Variants in DBT observed in about 807,000 individuals in gnomAD.
DBT encodes dihydrolipoamide branched chain transacylase E2.
In DBT, 40 loss-of-function variants were observed where a neutral mutation model predicts 51.3. The observed-to-expected ratio is 0.78, with a 90% CI of 0.61 to 1.02. The LOEUF is 1.02. Ranked by LOEUF, DBT falls within the 50% of genes least tolerant of loss-of-function variation. The probability of loss-of-function intolerance (pLI) is 0.00; values close to 1 mark genes in which losing one functional copy is unlikely to be tolerated. For synonymous variants in DBT, 181 were observed against 190.4 expected (o/e 0.95, Z 0.41); for missense variants, 510 against 580.2 (o/e 0.88, Z 1.24).
At chr1:100,242,250 C>A (rs574262023) in intron 1 of DBT, among the ~76,000 whole-genome samples, 2 of 151,374 alleles carry the variant, frequency 1.3e-5, no homozygotes, top group South Asian at 2.1e-4. Flanking sequence ...TAGCTCTTAA[C>A]TTTTAAAGGC....
In DBT at chr1:100,210,849, A is replaced by G. The variant is rs1487498881; in HGVS notation, c.940-78T>C. ...GAGAATTTGAAACAATAAGAGGTAT[A>G]AAAGGAGGGAGAGAGAGAACTCTTA... On this transcript the variant is annotated intron_variant, in intron 7 of 10. Coordinates refer to ENST00000370132, the MANE Select transcript of DBT (RefSeq NM_001918.5). The G allele has an allele frequency of 3.8e-6, 6 of 1,589,890 alleles. No individual in the cohort carries two copies. In the Admixed American group the frequency reaches 5.1e-5, roughly 13 times the overall value.
Position 100,213,605 on chromosome 1 carries a change from G to T in DBT, c.939+1212C>A, listed in dbSNP as rs1662295835. The stretch of plus-strand genomic sequence containing the variant: ...CCTGGCCATCATCCTGTTCCCCTTT[G>T]GGTTCATTTGCTGTTTTGCCTTGAG... On this transcript the variant is annotated intron_variant, in intron 7 of 10. Coordinates refer to ENST00000370132, the MANE Select transcript of DBT (RefSeq NM_001918.5). The T allele has an allele frequency of 3.8e-6, 6 of 1,598,620 alleles. No homozygotes were observed. The South Asian group carries it at 6.6e-5, about 18-fold the overall frequency.
intron 4 of DBT, among the ~76,000 whole-genome samples, chr1:100,220,346 A>G (rs1402931800): frequency 6.6e-6 from 1 of 152,240 alleles, no homozygotes; most frequent in Admixed American, 6.5e-5. Flanking sequence ...TACATATAGC[A>G]GAATCTGTCT....
intron 2 of DBT, among the ~76,000 whole-genome samples, chr1:100,238,463 T>C (rs370768210): frequency 4.7e-5 from 7 of 147,850 alleles, no homozygotes; most frequent in African/African-American, 1.7e-4. Context: ...TCCTTCTCCT[T>C]CTCCTCCTCC....
At chr1:100,207,773 A>AG (rs1661877809) in intron 8 of DBT, among the ~76,000 whole-genome samples, 1 of 151,932 alleles carries the variant, frequency 6.6e-6, no homozygotes, top group African/African-American at 2.4e-5. Context: ...CAAGAGTTTT[A>AG]GGTTACAATA....
intron 4 of DBT, among the ~76,000 whole-genome samples, chr1:100,226,019 TAAC>T (rs1394105660): frequency 6.6e-6 from 1 of 151,902 alleles, no homozygotes; most frequent in Non-Finnish European, 1.5e-5. Context: ...ACAAAACAAA[TAAC>T]AAACTCCAAT....
At chr1:100,238,810 G>A (rs1664050556) in intron 2 of DBT, among the ~76,000 whole-genome samples, 1 of 152,188 alleles carries the variant, frequency 6.6e-6, no homozygotes, top group African/African-American at 2.4e-5. Flanking sequence ...TGGAGTTGGT[G>A]AGAGATGTGA....
intron 4 of DBT, among the ~76,000 whole-genome samples, chr1:100,228,449 G>A (rs1229419567): frequency 1.3e-5 from 2 of 152,130 alleles, no homozygotes; most frequent in Non-Finnish European, 2.9e-5. Context: ...ATCTAAATAT[G>A]GTCTGTCGAT....
At chr1:100,224,507 A>C (rs1039288646) in intron 4 of DBT, among the ~76,000 whole-genome samples, 1 of 152,236 alleles carries the variant, frequency 6.6e-6, no homozygotes, top group Non-Finnish European at 1.5e-5. Context: ...TAAAAGCAAA[A>C]AGGTACAGAT....
chr1:100,231,676 CT>C (rs1365229129), intron 3 of DBT, among the ~76,000 whole-genome samples: 5 of 152,202 alleles, frequency 3.3e-5, no homozygotes, highest in Non-Finnish European at 7.3e-5. Flanking sequence ...AAAGCACATA[CT>C]TTCACTTCCA....
At chr1:100,237,205 TA>T (rs1663921133) in intron 2 of DBT, among the ~76,000 whole-genome samples, 1 of 152,172 alleles carries the variant, frequency 6.6e-6, no homozygotes, top group African/African-American at 2.4e-5. Flanking sequence ...TGATCTAGTC[TA>T]CTGGAGGATG....
At position 100,193,940 on chromosome 1, in the gene DBT, T is replaced by C. The variant is rs1449164259; in HGVS notation, c.*2315A>G. The C allele has an allele frequency of 2.0e-5, 3 of 152,172 alleles. No individual in the cohort carries two copies. In the East Asian group the frequency reaches 5.8e-4, roughly 29 times the overall value. The allele number at this position is 152,172 out of a possible 1,614,324, so 9.4% of individuals were successfully genotyped here. A position where few individuals can be genotyped will look rare whatever the true frequency, so the allele number is the denominator to read the frequency against. The stretch of plus-strand genomic sequence containing the variant: ...AAGCATGACAATGTGGAATTGTTTA[T>C]TGACATGTAAGGTTACCCATAATAT... On this transcript the variant is annotated 3_prime_UTR_variant, in exon 11 of 11. Transcript: ENST00000370132.
rs544399021 is a variant in DBT, at chr1:100,198,050, A to G, written c.1282-1628T>C. 3.9e-5 allele frequency among the ~76,000 whole-genome samples: 6 copies of G among 152,384 alleles called. No homozygotes were observed. The East Asian group carries it at 9.6e-4, about 24-fold the overall frequency. ...ATATCTATTGAACAGATATTTATAA[A>G]TCAAATATTCATTTGTTCATAACAC... On this transcript the variant is annotated intron_variant, in intron 10 of 10. Coordinates refer to ENST00000370132, the MANE Select transcript of DBT (RefSeq NM_001918.5).
At chr1:100,240,538 T>A (rs1340464349) in intron 2 of DBT, among the ~76,000 whole-genome samples, 2 of 151,492 alleles carry the variant, frequency 1.3e-5, no homozygotes, top group African/African-American at 2.4e-5. Flanking sequence ...TAAAAAAAAA[T>A]TTTTTTTAAA....
At chr1:100,234,036 G>T (rs1468803662) in intron 3 of DBT, among the ~76,000 whole-genome samples, 1 of 152,112 alleles carries the variant, frequency 6.6e-6, no homozygotes, top group Non-Finnish European at 1.5e-5. Context: ...ACAGGTCTTT[G>T]AATAAATTTT....
intron 1 of DBT, among the ~76,000 whole-genome samples, chr1:100,245,838 G>A (rs765114877): frequency 2.0e-5 from 3 of 152,118 alleles, no homozygotes; most frequent in Non-Finnish European, 4.4e-5. Flanking sequence ...TGTAGTCCCA[G>A]CTACTTGGGA....
chr1:100,249,539 G>A (rs1664786266), intron 1 of DBT, among the ~76,000 whole-genome samples: 1 of 152,206 alleles, frequency 6.6e-6, no homozygotes, highest in African/African-American at 2.4e-5. Context: ...AGATGGAGCA[G>A]GACGGCTGAG....
chr1:100,191,940 A>C lies in DBT; in HGVS notation c.*4315T>G, dbSNP rs2101817025. On this transcript the variant is annotated 3_prime_UTR_variant, in exon 11 of 11. Transcript: ENST00000370132. ...GTGGCACACAGGTGCATGTCACTTC[A>C]TCGGCCTAATTTTTTTTTTTTTTGG... The C allele has an allele frequency of 6.7e-6, 1 of 150,294 alleles. No individual in the cohort carries two copies. Among genetic ancestry groups the C allele is most frequent in the Middle Eastern group, 3.5e-3 (1 of 286 alleles). The allele number at this position is 150,294 out of a possible 1,614,324, so 9.3% of individuals were successfully genotyped here.
intron 10 of DBT, among the ~76,000 whole-genome samples, chr1:100,204,318 C>T (rs901702301): frequency 5.3e-5 from 8 of 152,098 alleles, no homozygotes; most frequent in African/African-American, 1.9e-4. Context: ...AACAGACAAA[C>T]AGAGAGCCAA....
Sources: gnomAD v4.1 joint callset for allele counts (sites outside exome capture counted in the v4.1 genomes callset) on GRCh38, gnomAD v4.1.1 for gene constraint, MANE v1.5 for transcripts, NCBI Gene and HGNC (gene_info 2026-07-23, HGNC 2026-07-21) for gene names.